Variants in PEX14 observed in about 807,000 individuals in gnomAD.
PEX14 encodes the protein peroxisomal membrane protein PEX14.
In PEX14, 15 loss-of-function variants were observed where a neutral mutation model predicts 49.5. The observed-to-expected ratio is 0.30, with a 90% CI of 0.20 to 0.47. The LOEUF is 0.47. Ranked by LOEUF, PEX14 falls within the 20% of genes least tolerant of loss-of-function variation. The probability of loss-of-function intolerance (pLI) is 1.00; values close to 1 mark genes in which losing one functional copy is unlikely to be tolerated. For missense variants in PEX14, 398 were observed against 494.8 expected (o/e 0.80, Z 1.86); for synonymous variants, 210 against 212.7 (o/e 0.99, Z 0.11).
chr1:10,480,320 C>T (rs1243368350), intron 1 of PEX14, among the ~76,000 whole-genome samples: 7 of 151,360 alleles, frequency 4.6e-5, no homozygotes, highest in South Asian at 2.1e-4. Flanking sequence ...AAGCGGTTCT[C>T]CTGCTTCACC....
chr1:10,621,775 G>A (rs193177404), intron 5 of PEX14, among the ~76,000 whole-genome samples: 98 of 152,262 alleles, frequency 6.4e-4, no homozygotes, highest in South Asian at 5.0e-3. Context: ...TAGAAAATGC[G>A]TCTATACATG....
chr1:10,577,111 T>TA (rs1640138133), intron 3 of PEX14, among the ~76,000 whole-genome samples: 1 of 151,660 alleles, frequency 6.6e-6, no homozygotes. Flanking sequence ...TTCTTCTCTT[T>TA]AAAAAACATT....
At chr1:10,586,560 G>T (rs1274510929) in intron 3 of PEX14, among the ~76,000 whole-genome samples, 1 of 148,770 alleles carries the variant, frequency 6.7e-6, no homozygotes, top group Non-Finnish European at 1.5e-5. Context: ...CAATTTGAAT[G>T]AACTGTGGCT....
intron 7 of PEX14, among the ~76,000 whole-genome samples, chr1:10,625,496 G>C (rs1641717892): frequency 6.6e-6 from 1 of 152,228 alleles, no homozygotes; most frequent in Non-Finnish European, 1.5e-5. Flanking sequence ...TCTTTCCATG[G>C]AGTCTGGGGT....
intron 5 of PEX14, among the ~76,000 whole-genome samples, chr1:10,620,299 TAAAATA>T (rs1641551621): frequency 6.9e-6 from 1 of 144,320 alleles, no homozygotes; most frequent in Non-Finnish European, 1.5e-5. Context: ...AACAATAAAA[TAAAATA>T]AAATAAAATA....
intron 4 of PEX14, among the ~76,000 whole-genome samples, chr1:10,607,099 GT>G (rs1412479078): frequency 1.3e-5 from 2 of 151,874 alleles, no homozygotes; most frequent in Non-Finnish European, 2.9e-5. Flanking sequence ...CTTTCCTAGA[GT>G]TTTTTTTCTT....
At chr1:10,521,898 G>A (rs963915343) in intron 2 of PEX14, among the ~76,000 whole-genome samples, 1 of 152,194 alleles carries the variant, frequency 6.6e-6, no homozygotes, top group Non-Finnish European at 1.5e-5. Context: ...TAAAAACCCT[G>A]TCTATTAGTC....
rs569500989 is a variant in PEX14, at chr1:10,514,551, A to G, written c.84+19230A>G. Reference sequence around the variant, plus strand: ...ACAGGAACTTTGGGCCTAAGACGCAACTCAAGGGAAAGCCATTGGGGAATG... The same window carrying G: ...ACAGGAACTTTGGGCCTAAGACGCAGCTCAAGGGAAAGCCATTGGGGAATG... On this transcript the variant is annotated intron_variant, in intron 2 of 8. Coordinates refer to ENST00000356607, the MANE Select transcript of PEX14 (RefSeq NM_004565.3). This position sits in a 1 kb window ranked among gnomAD's most constrained non-coding sequence, Gnocchi z 4.4. Among the ~76,000 whole-genome samples, 1 of 152,212 alleles carries G rather than the reference A, an allele frequency of 6.6e-6. No individual in the cohort carries two copies. The highest frequency in any genetic ancestry group is 2.1e-4 in the South Asian group (1 of 4,818).
At chr1:10,526,375 C>CG (rs1638484188) in intron 2 of PEX14, among the ~76,000 whole-genome samples, 2 of 152,144 alleles carry the variant, frequency 1.3e-5, no homozygotes, top group East Asian at 3.9e-4. Context: ...TGAACCACCA[C>CG]ACCCAGCTAA....
chr1:10,567,691 C>T (rs1209038624), intron 3 of PEX14, among the ~76,000 whole-genome samples: 3 of 152,058 alleles, frequency 2.0e-5, no homozygotes, highest in South Asian at 2.1e-4. Flanking sequence ...GACGGGGTTT[C>T]GCCATGTTGA....
intron 3 of PEX14, among the ~76,000 whole-genome samples, chr1:10,553,195 TAG>T (rs575122489): frequency 8.2e-4 from 125 of 152,178 alleles, no homozygotes; most frequent in Non-Finnish European, 1.4e-3. Flanking sequence ...GAGGATGGAT[TAG>T]AGAGTGAGGA....
chr1:10,621,167 C>T (rs1641579208), intron 5 of PEX14, among the ~76,000 whole-genome samples: 2 of 149,206 alleles, frequency 1.3e-5, no homozygotes, highest in East Asian at 1.9e-4. Context: ...ATTTCTAAAG[C>T]ATCTGCTCAG....
chr1:10,502,984 A>G (rs1220754610), intron 2 of PEX14, among the ~76,000 whole-genome samples: 3 of 151,666 alleles, frequency 2.0e-5, no homozygotes, highest in Non-Finnish European at 4.4e-5. Flanking sequence ...AAAATTGTGT[A>G]GAGATGAGGT....
At chr1:10,596,510 C>A (rs1446003160) in intron 3 of PEX14, among the ~76,000 whole-genome samples, 1 of 152,184 alleles carries the variant, frequency 6.6e-6, no homozygotes, top group East Asian at 1.9e-4. Context: ...CTCCCAAGCT[C>A]TTTAACAAGT....
intron 2 of PEX14, among the ~76,000 whole-genome samples, chr1:10,508,332 G>A (rs918723405): frequency 1.3e-5 from 2 of 151,890 alleles, no homozygotes; most frequent in African/African-American, 4.8e-5. Flanking sequence ...TCAGCCTCCC[G>A]AGTAGCTGGG....
Position 10,514,984 on chromosome 1 carries a change from C to T in PEX14, c.84+19663C>T, listed in dbSNP as rs141517947. On this transcript the variant is annotated intron_variant, in intron 2 of 8. Coordinates refer to ENST00000356607, the MANE Select transcript of PEX14 (RefSeq NM_004565.3). This position sits in a 1 kb window ranked among gnomAD's most constrained non-coding sequence, Gnocchi z 4.4. ...TCCTTGGGCAAATGCTTGCCACTCC[C>T]CTGCCGCCTGCCCCTGTGTAGGTGG... 3.8e-3 allele frequency among the ~76,000 whole-genome samples: 586 copies of T among 152,260 alleles called. 2 individuals are homozygous for T. The highest frequency in any genetic ancestry group is 0.014 in the African/African-American group (572 of 41,560).
intron 7 of PEX14, among the ~76,000 whole-genome samples, chr1:10,625,891 G>A (rs1016893577): frequency 6.6e-6 from 1 of 152,192 alleles, no homozygotes; most frequent in African/African-American, 2.4e-5. Context: ...CTTTGCTGCC[G>A]CTGTCCCTGG....
At chr1:10,570,077 C>A (rs1006042605) in intron 3 of PEX14, among the ~76,000 whole-genome samples, 8 of 152,100 alleles carry the variant, frequency 5.3e-5, no homozygotes, top group African/African-American at 1.9e-4. Flanking sequence ...TCTTTCCTAT[C>A]TTTTATCTTT....
At chr1:10,558,213 G>A (rs184669043) in intron 3 of PEX14, among the ~76,000 whole-genome samples, 125 of 152,036 alleles carry the variant, frequency 8.2e-4, no homozygotes, top group African/African-American at 2.9e-3. Flanking sequence ...TCTTCATGTT[G>A]GTCAGGCTGG....
Sources: gnomAD v4.1 joint callset for allele counts (sites outside exome capture counted in the v4.1 genomes callset) on GRCh38, gnomAD v4.1.1 for gene constraint, Gnocchi (gnomAD v3.1) non-coding constraint, MANE v1.5 for transcripts, NCBI Gene and HGNC (gene_info 2026-07-23, HGNC 2026-07-21) for gene names.